ANKRD30BL: variants seen among roughly 807,000 people sequenced by gnomAD.
ANKRD30BL encodes the protein putative ankyrin repeat domain-containing protein 30B-like.
A neutral mutation model predicts 18.4 loss-of-function variants in ANKRD30BL; 20 were observed. That is an observed-to-expected ratio of 1.09 (90% CI 0.77 to 1.58). The LOEUF (loss-of-function observed/expected upper bound fraction) is 1.58. Among genes scored for constraint, ANKRD30BL ranks in the 40% most tolerant of loss-of-function variants. ANKRD30BL has a pLI of 0.00. For synonymous variants in ANKRD30BL, 72 were observed against 100.9 expected (o/e 0.71, Z 1.72); for missense variants, 224 against 268.6 (o/e 0.83, Z 1.16).
chr2:132,243,677 G>A (rs1330722065), intron 1 of ANKRD30BL, among the ~76,000 whole-genome samples: 1 of 151,558 alleles, frequency 6.6e-6, no homozygotes, highest in Non-Finnish European at 1.5e-5. Context: ...TCTTTTTGTA[G>A]AATGTGCAAG....
At chr2:132,242,112 T>C (rs12329210) in intron 1 of ANKRD30BL, among the ~76,000 whole-genome samples, 3,840 of 151,486 alleles carry the variant, frequency 0.025, 149 homozygotes, top group African/African-American at 0.088. Flanking sequence ...TTTTCTTAGA[T>C]ACAGCAGTTT....
At chr2:132,196,141 C>CAAA (rs199876039) in intron 1 of ANKRD30BL, among the ~76,000 whole-genome samples, 2 of 87,492 alleles carry the variant, frequency 2.3e-5, no homozygotes, top group African/African-American at 3.9e-5. Flanking sequence ...GAGTCCATCT[C>CAAA]AAAAAAAAAA....
intron 1 of ANKRD30BL, among the ~76,000 whole-genome samples, chr2:132,184,959 C>T (rs867407747): frequency 1.3e-5 from 2 of 152,082 alleles, no homozygotes; most frequent in African/African-American, 4.8e-5. Context: ...ACTACAGGTG[C>T]ATGCCACCAT....
intron 4 of ANKRD30BL, among the ~76,000 whole-genome samples, chr2:132,151,712 C>A (rs565437576): frequency 1.3e-5 from 2 of 151,716 alleles, no homozygotes; most frequent in South Asian, 4.2e-4. Context: ...ATTAGATGTT[C>A]TATTCTTTGT....
At chr2:132,222,027 C>A (rs1161685982) in intron 1 of ANKRD30BL, among the ~76,000 whole-genome samples, 2 of 133,674 alleles carry the variant, frequency 1.5e-5, no homozygotes, top group South Asian at 2.4e-4. Flanking sequence ...GCCAGCCACC[C>A]TGTCCGGGAG....
chr2:132,192,225 C>T, intron 1 of ANKRD30BL, among the ~76,000 whole-genome samples: 1 of 152,118 alleles, frequency 6.6e-6, no homozygotes, highest in African/African-American at 2.4e-5. Flanking sequence ...GATAGGAAGA[C>T]CACAGGGTTT....
intron 1 of ANKRD30BL, among the ~76,000 whole-genome samples, chr2:132,197,914 G>A (rs1484792456): frequency 2.0e-5 from 3 of 151,798 alleles, no homozygotes; most frequent in African/African-American, 7.2e-5. Flanking sequence ...CTATGTATAA[G>A]CTTTTATTTT....
At chr2:132,202,394 AT>A (rs1442596450) in intron 1 of ANKRD30BL, among the ~76,000 whole-genome samples, 1 of 149,770 alleles carries the variant, frequency 6.7e-6, no homozygotes, top group African/African-American at 2.5e-5. Context: ...TTAAAGTAAA[AT>A]AAAAATTTGT....
At chr2:132,198,486 G>A (rs963309234) in intron 1 of ANKRD30BL, among the ~76,000 whole-genome samples, 11 of 151,434 alleles carry the variant, frequency 7.3e-5, no homozygotes, top group African/African-American at 2.2e-4. Context: ...ACCATGCCCC[G>A]CTAATTTTTT....
chr2:132,243,142 C>A (rs1266994330), intron 1 of ANKRD30BL, among the ~76,000 whole-genome samples: 1 of 151,606 alleles, frequency 6.6e-6, no homozygotes, highest in African/African-American at 2.4e-5. Context: ...TTTGATAAAG[C>A]AGATTGGAAA....
chr2:132,207,896 C>T (rs1485407514), intron 1 of ANKRD30BL, among the ~76,000 whole-genome samples: 1 of 152,126 alleles, frequency 6.6e-6, no homozygotes, highest in Non-Finnish European at 1.5e-5. Flanking sequence ...TAGTATGATA[C>T]TATAATGCTC....
chr2:132,247,739 T>C (rs1680542417), intron 1 of ANKRD30BL, among the ~76,000 whole-genome samples: 1 of 151,956 alleles, frequency 6.6e-6, no homozygotes, highest in Non-Finnish European at 1.5e-5. Context: ...AATGCTTCTG[T>C]ATAGTTTTCT....
chr2:132,233,966 C>A (rs1298262141), intron 1 of ANKRD30BL, among the ~76,000 whole-genome samples: 9 of 152,070 alleles, frequency 5.9e-5, no homozygotes, highest in East Asian at 1.9e-4. Context: ...TGTAAAAGAA[C>A]AGAAATTATA....
chr2:132,180,800 C>A (rs988911866), intron 1 of ANKRD30BL, among the ~76,000 whole-genome samples: 2 of 152,056 alleles, frequency 1.3e-5, no homozygotes, highest in African/African-American at 4.8e-5. Flanking sequence ...AATAGATTAA[C>A]AAAATTCAAA....
intron 1 of ANKRD30BL, among the ~76,000 whole-genome samples, chr2:132,222,146 C>A (rs1245696124): frequency 6.7e-6 from 1 of 149,514 alleles, no homozygotes; most frequent in Non-Finnish European, 1.5e-5. Flanking sequence ...CGCCTCTGCC[C>A]GGCCACCCCT....
At chr2:132,211,363 G>A (rs557810106) in intron 1 of ANKRD30BL, among the ~76,000 whole-genome samples, 69 of 151,584 alleles carry the variant, frequency 4.6e-4, no homozygotes, top group African/African-American at 1.6e-3. Context: ...TATTTTGAGC[G>A]CTTTGAGTCT....
chr2:132,209,798 A>C (rs1342179757), intron 1 of ANKRD30BL, among the ~76,000 whole-genome samples: 1 of 152,102 alleles, frequency 6.6e-6, no homozygotes, highest in East Asian at 1.9e-4. Flanking sequence ...ATCTTTGTGT[A>C]GTATTTGCAA....
chr2:132,201,088 C>T (rs1287935273), intron 1 of ANKRD30BL, among the ~76,000 whole-genome samples: 4 of 151,954 alleles, frequency 2.6e-5, no homozygotes, highest in South Asian at 2.1e-4. Context: ...AACTGGCTAG[C>T]CATATGTAGA....
At chr2:132,222,249 C>T (rs532797187) in intron 1 of ANKRD30BL, among the ~76,000 whole-genome samples, 92 of 143,914 alleles carry the variant, frequency 6.4e-4, no homozygotes, top group African/African-American at 1.8e-3. Context: ...CCGCCCCATC[C>T]GGGAGGTGAG....
Sources: allele counts gnomAD v4.1 joint callset (sites outside exome capture counted in the v4.1 genomes callset), GRCh38; gene constraint gnomAD v4.1.1; transcripts MANE v1.5; gene names NCBI Gene and HGNC (gene_info 2026-07-23, HGNC 2026-07-21).